Variants in ADAM10 observed in about 807,000 individuals in gnomAD.
ADAM10 encodes the protein ADAM metallopeptidase domain 10, also known as disintegrin and metalloproteinase domain-containing protein 10.
Under a neutral mutation model 90.1 loss-of-function variants are expected in ADAM10, and 17 were observed. The observed-to-expected ratio is 0.19, with a 90% CI of 0.13 to 0.28. The LOEUF (loss-of-function observed/expected upper bound fraction) is 0.28, where lower values mean the gene tolerates loss of function less well. Ranked by LOEUF, ADAM10 falls within the 10% of genes least tolerant of loss-of-function variation. The pLI, the probability that ADAM10 is intolerant of heterozygous loss-of-function variation, is 1.00. For synonymous variants in ADAM10, 310 were observed against 298.6 expected (o/e 1.04, Z -0.40); for missense variants, 610 against 914.3 (o/e 0.67, Z 4.29).
At chr15:58,613,298 G>A (rs796695886) in intron 11 of ADAM10, among the ~76,000 whole-genome samples, 22 of 152,322 alleles carry the variant, frequency 1.4e-4, no homozygotes, top group African/African-American at 5.3e-4. Flanking sequence ...AGCTACAGGT[G>A]AGAGTATATC....
At chr15:58,739,036 C>T (rs2140846977) in intron 1 of ADAM10, among the ~76,000 whole-genome samples, 1 of 152,216 alleles carries the variant, frequency 6.6e-6, no homozygotes, top group Non-Finnish European at 1.5e-5. Context: ...TATCCCAAAA[C>T]ATCCGCCACT....
At chr15:58,737,448 G>A (rs1180086447) in intron 1 of ADAM10, among the ~76,000 whole-genome samples, 1 of 152,016 alleles carries the variant, frequency 6.6e-6, no homozygotes, top group Non-Finnish European at 1.5e-5. Flanking sequence ...ACGCTTTAAG[G>A]GTAAAATTAG....
chr15:58,645,388 C>T (rs1260403571), intron 6 of ADAM10, among the ~76,000 whole-genome samples: 1 of 152,210 alleles, frequency 6.6e-6, no homozygotes, highest in Non-Finnish European at 1.5e-5. Context: ...TGGTTTCATT[C>T]TTTCCACATT....
chr15:58,644,500 A>C (rs1896498699), intron 6 of ADAM10, among the ~76,000 whole-genome samples: 1 of 152,218 alleles, frequency 6.6e-6, no homozygotes, highest in Admixed American at 6.5e-5. Context: ...AAGTGCTGGC[A>C]TTACAGGCAT....
At chr15:58,742,353 G>T (rs1899642058) in intron 1 of ADAM10, among the ~76,000 whole-genome samples, 1 of 152,066 alleles carries the variant, frequency 6.6e-6, no homozygotes, top group Non-Finnish European at 1.5e-5. Flanking sequence ...AACTTAAATG[G>T]GGTTACAGTT....
rs191290541 is a variant in ADAM10 at position 58,746,931 on chromosome 15, T to A, written c.55+2549A>T. Among the ~76,000 whole-genome samples the A allele has an allele frequency of 5.1e-3, 780 of 152,354 alleles. 6 individuals carry two copies. Among genetic ancestry groups the A allele is most frequent in the Non-Finnish European group, 8.7e-3 (590 of 68,028 alleles). On this transcript the variant is annotated intron_variant, in intron 1 of 15. Transcript: ENST00000260408. Reference sequence around the variant, plus strand: ...TTCCGACTCAGAGTCAGAGAAAGTTTAACTGCTTAAGCTCTACTACCTTTA... The same window carrying A: ...TTCCGACTCAGAGTCAGAGAAAGTTAAACTGCTTAAGCTCTACTACCTTTA...
chr15:58,749,405 C>G, intron 1 of ADAM10, 75 bp downstream of exon 1: 8 of 1,367,074 alleles, frequency 5.9e-6, no homozygotes, highest in Non-Finnish European at 6.6e-6. Flanking sequence ...CCGCGAGGCG[C>G]GACTGGGCTC....
chr15:58,715,162 C>T lies in ADAM10; in HGVS notation c.206+2415G>A, dbSNP rs546594777. Among the ~76,000 whole-genome samples the T allele has an allele frequency of 5.3e-5, 8 of 152,200 alleles. No homozygotes were observed. The South Asian group carries it at 1.7e-3, about 32-fold the overall frequency. On this transcript the variant is annotated intron_variant, in intron 2 of 15. Coordinates refer to ENST00000260408, the MANE Select transcript of ADAM10 (RefSeq NM_001110.4). ...ATGGGCCAGGTATGGTGGCTCATGC[C>T]TGTAATCCCAGCACTTTGGGAGACC...
rs1219981694 is a variant in ADAM10 at position 58,687,361 on chromosome 15, T to C, written c.207-5047A>G. ...GTACTTAAAGAAATACAGAATTTCATATATTTAAAAATGTTTAAAATGTGA... is the reference window on the plus strand; with the variant it reads ...GTACTTAAAGAAATACAGAATTTCACATATTTAAAAATGTTTAAAATGTGA... On this transcript the variant is annotated intron_variant, in intron 2 of 15. Coordinates refer to ENST00000260408, the MANE Select transcript of ADAM10 (RefSeq NM_001110.4). Among the ~76,000 whole-genome samples the C allele has an allele frequency of 2.6e-5, 4 of 152,234 alleles. No individual in the cohort carries two copies. In the South Asian group the frequency reaches 8.3e-4, roughly 31 times the overall value.
At chr15:58,611,316 T>A (rs1328455889) in intron 12 of ADAM10, 2 of 548,272 alleles carry the variant, frequency 3.6e-6, no homozygotes, top group East Asian at 3.2e-5. Flanking sequence ...AGATAGTAAA[T>A]CTTTTAAAGC....
intron 2 of ADAM10, chr15:58,692,646 A>C: frequency 1.8e-6 from 1 of 559,688 alleles, no homozygotes; most frequent in South Asian, 1.4e-5. Context: ...GATCTTCTTT[A>C]AGGTGAAGGA....
intron 1 of ADAM10, among the ~76,000 whole-genome samples, chr15:58,726,354 G>A (rs953665066): frequency 1.3e-5 from 2 of 151,528 alleles, no homozygotes; most frequent in East Asian, 1.9e-4. Context: ...CACTTGAAGC[G>A]AGGAGTTCGA....
chr15:58,715,176 CT>C (rs1458381888), intron 2 of ADAM10, among the ~76,000 whole-genome samples: 1 of 152,018 alleles, frequency 6.6e-6, no homozygotes, highest in African/African-American at 2.4e-5. Context: ...AATCCCAGCA[CT>C]TTGGGAGACC....
At chr15:58,644,979 C>A (rs1441037392) in intron 6 of ADAM10, among the ~76,000 whole-genome samples, 2 of 152,226 alleles carry the variant, frequency 1.3e-5, no homozygotes, top group Non-Finnish European at 2.9e-5. Context: ...TGACCCCCAA[C>A]TAAACTTTCT....
intron 4 of ADAM10, among the ~76,000 whole-genome samples, chr15:58,674,231 A>G (rs890662321): frequency 6.6e-6 from 1 of 152,206 alleles, no homozygotes; most frequent in Non-Finnish European, 1.5e-5. Flanking sequence ...AGAGTCAACA[A>G]TACCACTAAA....
intron 14 of ADAM10, among the ~76,000 whole-genome samples, chr15:58,607,736 C>T (rs1241605037): frequency 1.3e-5 from 2 of 152,052 alleles, no homozygotes; most frequent in African/African-American, 4.8e-5. Flanking sequence ...AAGAAAAAAG[C>T]CACAAAATCA....
At chr15:58,710,234 C>T (rs1357216697) in intron 2 of ADAM10, among the ~76,000 whole-genome samples, 2 of 152,132 alleles carry the variant, frequency 1.3e-5, no homozygotes, top group East Asian at 1.9e-4. Flanking sequence ...GCCAAGATCA[C>T]ACCACTACAC....
intron 10 of ADAM10, among the ~76,000 whole-genome samples, chr15:58,625,531 C>A (rs1327683476): frequency 6.6e-6 from 1 of 152,256 alleles, no homozygotes; most frequent in African/African-American, 2.4e-5. Context: ...TGCAGAGAAA[C>A]TGGATCATTT....
chr15:58,685,359 G>C (rs1209678161), intron 2 of ADAM10, among the ~76,000 whole-genome samples: 1 of 150,994 alleles, frequency 6.6e-6, no homozygotes, highest in African/African-American at 2.4e-5. Context: ...TACTTGGGAG[G>C]CTAAGGCAGG....
Sources: gnomAD v4.1 joint callset for allele counts (sites outside exome capture counted in the v4.1 genomes callset) on GRCh38, gnomAD v4.1.1 for gene constraint, MANE v1.5 for transcripts, NCBI Gene and HGNC (gene_info 2026-07-23, HGNC 2026-07-21) for gene names.